SYT14: variants seen among roughly 807,000 people sequenced by gnomAD.
SYT14 encodes synaptotagmin-14.
A neutral mutation model predicts 74.2 loss-of-function variants in SYT14; 32 were observed. The observed-to-expected ratio is 0.43, with a 90% CI of 0.33 to 0.58. SYT14 has a LOEUF of 0.58. Ranked by LOEUF, SYT14 falls within the 20% of genes least tolerant of loss-of-function variation. SYT14 has a pLI of 0.05. For missense variants in SYT14, 791 were observed against 981.8 expected, an observed-to-expected ratio of 0.81 and a Z score of 2.60; for synonymous variants, 298 against 337.7, an observed-to-expected ratio of 0.88 and a Z score of 1.29.
At chr1:210,159,255 C>T (rs1297169932) in intron 8 of SYT14, 166 bp from the exon 8 acceptor site, 8 of 706,072 alleles carry the variant, frequency 1.1e-5, no homozygotes, top group Non-Finnish European at 2.0e-5. Flanking sequence ...ATTTACCCAA[C>T]ATCCTTTTTG....
At chr1:209,950,392 A>G (rs528030762) in intron 1 of SYT14, among the ~76,000 whole-genome samples, 11 of 152,164 alleles carry the variant, frequency 7.2e-5, no homozygotes, top group African/African-American at 9.7e-5. Context: ...CAGTCATTGG[A>G]CTAGTATCTC....
chr1:210,038,786 T>C (rs553890457), intron 5 of SYT14, among the ~76,000 whole-genome samples: 1 of 152,266 alleles, frequency 6.6e-6, no homozygotes, highest in Non-Finnish European at 1.5e-5. Context: ...AAGTCTGCTT[T>C]TAGTCTGTTG....
At chr1:210,156,555 T>C (rs938791630) in intron 8 of SYT14, among the ~76,000 whole-genome samples, 7 of 152,074 alleles carry the variant, frequency 4.6e-5, no homozygotes, top group Non-Finnish European at 1.0e-4. Flanking sequence ...CTGTTACTCT[T>C]CTCTCTCTGG....
chr1:210,119,989 G>A (rs951942266), intron 7 of SYT14, among the ~76,000 whole-genome samples: 1 of 152,096 alleles, frequency 6.6e-6, no homozygotes, highest in African/African-American at 2.4e-5. Flanking sequence ...TTTTGGTAAC[G>A]ATATCCTCTG....
intron 7 of SYT14, 123 bp downstream of exon 6, chr1:210,100,584 C>G (rs2082046450): frequency 1.0e-6 from 1 of 961,752 alleles, no homozygotes; most frequent in Non-Finnish European, 1.6e-6. Context: ...AGTAATCATG[C>G]CTTTACAAAA....
chr1:210,060,621 T>A (rs1447022612), intron 5 of SYT14, among the ~76,000 whole-genome samples: 2 of 152,032 alleles, frequency 1.3e-5, no homozygotes, highest in African/African-American at 4.8e-5. Flanking sequence ...TTGGTTGTAC[T>A]TGTGGGCAAA....
At chr1:210,079,177 C>T (rs3860298) in intron 5 of SYT14, among the ~76,000 whole-genome samples, 1,671 of 151,770 alleles carry the variant, frequency 0.011, 42 homozygotes, top group African/African-American at 0.038. Flanking sequence ...ATCATTGCTC[C>T]CCTACAGAGA....
chr1:210,017,997 A>G (rs1030639431), intron 4 of SYT14, among the ~76,000 whole-genome samples: 1 of 152,340 alleles, frequency 6.6e-6, no homozygotes, highest in Non-Finnish European at 1.5e-5. Flanking sequence ...TACATACATA[A>G]TAGGGATCTG....
chr1:210,163,715 G>C, exon 10 of SYT14: 1 of 453,558 alleles, frequency 2.2e-6, no homozygotes, highest in Non-Finnish European at 4.4e-6. Context: ...CTCCCAAAAA[G>C]TTGTCTGTTC....
At chr1:209,995,856 A>G (rs940595673) in intron 2 of SYT14, among the ~76,000 whole-genome samples, 6 of 150,478 alleles carry the variant, frequency 4.0e-5, no homozygotes, top group African/African-American at 1.5e-4. Flanking sequence ...AAGTACATGG[A>G]AATTAAACAA....
At chr1:210,044,881 A>G (rs1446669075) in intron 5 of SYT14, among the ~76,000 whole-genome samples, 1 of 152,160 alleles carries the variant, frequency 6.6e-6, no homozygotes, top group African/African-American at 2.4e-5. Context: ...CATGGTGAGA[A>G]TGGGAGCAAG....
intron 2 of SYT14, among the ~76,000 whole-genome samples, chr1:210,008,058 ACTTACT>A (rs1354740201): frequency 6.6e-5 from 10 of 152,156 alleles, no homozygotes; most frequent in Non-Finnish European, 7.4e-5. Flanking sequence ...TGAAAGTTTT[ACTTACT>A]CTTTGTGAAC....
At chr1:210,035,560 AGTATTTAATCCATC>A (rs1220771396) in intron 5 of SYT14, among the ~76,000 whole-genome samples, 3 of 151,896 alleles carry the variant, frequency 2.0e-5, no homozygotes, top group African/African-American at 7.2e-5. Flanking sequence ...CTTGTGTTTA[AGTATTTAATCCATC>A]TTGAGATAAT....
chr1:210,103,131 T>C (rs992389158), intron 7 of SYT14, among the ~76,000 whole-genome samples: 12 of 152,180 alleles, frequency 7.9e-5, no homozygotes, highest in Admixed American at 2.0e-4. Context: ...GAAAATAGAA[T>C]TTTGCATATA....
At chr1:210,083,845 C>G (rs1292150844) in intron 5 of SYT14, among the ~76,000 whole-genome samples, 1 of 151,856 alleles carries the variant, frequency 6.6e-6, no homozygotes, top group Non-Finnish European at 1.5e-5. Context: ...TCTGGAATTA[C>G]AAGTGTGAGC....
rs552760002 is a variant in SYT14, at chr1:210,080,782, G to C, written c.1313-13540G>C. Among the ~76,000 whole-genome samples the C allele has an allele frequency of 1.9e-4, 29 of 152,300 alleles. No homozygotes were observed. The South Asian group carries it at 5.8e-3, about 30-fold the overall frequency. ...ATACATTGTAAATGATGGAAGCAAC[G>C]TGTGCTGTAGAAATAAGTACTTAGG... On this transcript the variant is annotated intron_variant, in intron 5 of 9. Coordinates refer to ENST00000637265, the Ensembl canonical transcript of SYT14.
At chr1:210,090,247 G>A (rs2081837255) in intron 5 of SYT14, among the ~76,000 whole-genome samples, 3 of 152,016 alleles carry the variant, frequency 2.0e-5, no homozygotes, top group South Asian at 4.2e-4. Context: ...TCCTGCCTTC[G>A]GACTTTATTC....
Position 210,104,614 on chromosome 1 carries a change from T to C in SYT14, c.2034+4153T>C, listed in dbSNP as rs576897322. Among the ~76,000 whole-genome samples the C allele has an allele frequency of 7.2e-5, 11 of 152,346 alleles. No homozygotes were observed. In the East Asian group the frequency reaches 2.1e-3, roughly 29 times the overall value. Reference sequence around the variant, plus strand: ...ATTTCTTCACTTGCATTTTTGGTACTATATTACTCTCTAACAGTTGCATAA... The same window carrying C: ...ATTTCTTCACTTGCATTTTTGGTACCATATTACTCTCTAACAGTTGCATAA... On this transcript the variant is annotated intron_variant, in intron 7 of 9. Transcript: ENST00000637265.
chr1:209,946,189 G>A (rs922211083), intron 1 of SYT14, among the ~76,000 whole-genome samples: 2 of 152,036 alleles, frequency 1.3e-5, no homozygotes, highest in Non-Finnish European at 2.9e-5. Context: ...TATTCCCTGA[G>A]ACACAACAAT....
Sources: gnomAD v4.1 joint callset for allele counts (sites outside exome capture counted in the v4.1 genomes callset) on GRCh38, gnomAD v4.1.1 for gene constraint, MANE v1.5 for transcripts, NCBI Gene and HGNC (gene_info 2026-07-23, HGNC 2026-07-21) for gene names.